The following ASXL1 variants were observed in gnomAD, a reference collection of about 807,000 sequenced individuals.
The protein encoded by ASXL1 is ASXL transcriptional regulator 1.
ASXL1 carries 65 observed loss-of-function variants against 89.1 expected under a neutral mutation model. The observed-to-expected ratio is 0.73, with a 90% CI of 0.60 to 0.90. The LOEUF (loss-of-function observed/expected upper bound fraction) is 0.90. Ranked by LOEUF, ASXL1 falls within the 40% of genes least tolerant of loss-of-function variation. ASXL1 has a pLI of 0.00. For synonymous variants in ASXL1, 739 were observed against 746.9 expected (o/e 0.99, Z 0.17); for missense variants, 1,786 against 1,942.9 (o/e 0.92, Z 1.52).
At chr20:32,395,328 T>A (rs961920457) in intron 4 of ASXL1, among the ~76,000 whole-genome samples, 1 of 152,214 alleles carries the variant, frequency 6.6e-6, no homozygotes, top group African/African-American at 2.4e-5. Context: ...AAGATGTTGC[T>A]CCACTGTCTC....
In ASXL1 at chr20:32,436,186, C is replaced by A. The variant is rs1350655725; in HGVS notation, c.3474C>A (p.Asn1158Lys). 6.2e-7 allele frequency: 1 copy of A among 1,614,100 alleles called. No individual in the cohort carries two copies. Among genetic ancestry groups the A allele is most frequent in the Non-Finnish European group, 8.5e-7 (1 of 1,180,050 alleles). Residue 1158 changes from asparagine to lysine, a missense_variant, in exon 13 of 13, where the codon AAC becomes AAA. Asn to Lys is a moderately conservative substitution (Grantham distance 94, BLOSUM62 0). This residue lies in a region of ASXL1 where 1,418 missense variants were observed against 1,427.8 expected (regional missense o/e 0.99). Transcript: ENST00000375687. ...GATCTTTACATGGTCTTGGAAAAAA[C>A]AGTGGCATGGTTGATGGAAGCAGCC... ...RMGSLHGLGK[N>K]SGMVDGSSPS...
At chr20:32,385,737 G>A (rs924694012) in intron 4 of ASXL1, among the ~76,000 whole-genome samples, 1 of 151,842 alleles carries the variant, frequency 6.6e-6, no homozygotes, top group African/African-American at 2.4e-5. Context: ...GCCCCCTTAC[G>A]ATCCAGTGCT....
chr20:32,362,504 C>T (rs1261595618), intron 1 of ASXL1, among the ~76,000 whole-genome samples: 6 of 151,800 alleles, frequency 4.0e-5, no homozygotes, highest in Admixed American at 6.6e-5. Flanking sequence ...GGCGTGGTGG[C>T]GAGTGCCTGT....
rs2145373673 is a variant in ASXL1 at position 32,435,527 on chromosome 20, G to A, written c.2815G>A (p.Ala939Thr). 2 of 1,614,044 alleles carry A rather than the reference G, an allele frequency of 1.2e-6. No individual in the cohort carries two copies. The highest frequency in any genetic ancestry group is 1.7e-6 in the Non-Finnish European group (2 of 1,180,024). The change falls in exon 13 of 13, where the codon GCA becomes ACA. Residue 939 changes from alanine to threonine, a missense_variant. Ala to Thr is a moderately conservative substitution (Grantham distance 58, BLOSUM62 0). This residue lies in a region of ASXL1 where 1,418 missense variants were observed against 1,427.8 expected (regional missense o/e 0.99). Coordinates refer to ENST00000375687, the MANE Select transcript of ASXL1 (RefSeq NM_015338.6). ...EWEKAAPTPP[A>T]LPGDLTAEEG... ...GGAGAAAGCTGCTCCCACCCCTCCT[G>A]CATTGCCTGGGGATTTGACAGCTGA...
chr20:32,411,285 T>A (rs2049042143), intron 4 of ASXL1, among the ~76,000 whole-genome samples: 3 of 134,620 alleles, frequency 2.2e-5, no homozygotes, highest in Admixed American at 1.7e-4. Flanking sequence ...TGGAATGTAG[T>A]GGCACAATCT....
At position 32,429,643 on chromosome 20, in the gene ASXL1, C is replaced by A. The variant is rs1427912635; in HGVS notation, c.565+212C>A. 1.4e-6 allele frequency: 1 copy of A among 706,140 alleles called. No individual in the cohort carries two copies. Among genetic ancestry groups the A allele is most frequent in the African/African-American group, 1.8e-5 (1 of 56,004 alleles). 43.7% of individuals were successfully genotyped at this position (706,140 alleles called of 1,614,324 possible). A position where few individuals can be genotyped will look rare whatever the true frequency, so the allele number is the denominator to read the frequency against. On this transcript the variant is annotated intron_variant, in intron 7 of 12. Coordinates refer to ENST00000375687, the MANE Select transcript of ASXL1 (RefSeq NM_015338.6). The surrounding 1 kb of genome is among the most constrained non-coding windows in gnomAD (Gnocchi z 4.9). ...TGTCTCCCAGGGCAGTCGTGAGGAT[C>A]CAACGGAGGATTTGATTATGCCAGT...
At position 32,435,924 on chromosome 20, in the gene ASXL1, C is replaced by T. The variant is rs531415735; in HGVS notation, c.3212C>T (p.Ala1071Val). The change falls in exon 13 of 13, where the codon GCG (alanine) becomes GTG (valine). Residue 1071 changes from alanine to valine, a missense_variant. Ala to Val is a moderately conservative substitution (Grantham distance 64, BLOSUM62 0). Transcript: ENST00000375687. ...APQSWVSRVC[A>V]VRQKIPDSLL... ...CAGAGCTGGGTGTCTCGAGTATGTG[C>T]GGTCCGCCAAAAGATCCCAGATTCC... 1.9e-5 allele frequency: 31 copies of T among 1,614,156 alleles called. No individual in the cohort carries two copies. Among genetic ancestry groups the T allele is most frequent in the South Asian group, 1.4e-4 (13 of 91,082 alleles).
intron 4 of ASXL1, among the ~76,000 whole-genome samples, chr20:32,388,502 G>C (rs1291871639): frequency 6.6e-6 from 1 of 152,168 alleles, no homozygotes; most frequent in Non-Finnish European, 1.5e-5. Context: ...TGGGTAAAGA[G>C]ATGTATTTTA....
rs2145360247 is a variant in ASXL1 at position 32,434,702 on chromosome 20, A to G, written c.1990A>G (p.Ser664Gly). 2 of 1,608,106 alleles carry G rather than the reference A, an allele frequency of 1.2e-6. No individual in the cohort carries two copies. Among genetic ancestry groups the G allele is most frequent in the Non-Finnish European group, 1.7e-6 (2 of 1,177,664 alleles). ...CGATGAGGGAGGTGGCAGAGGCAGC[A>G]GCAGTGGTGATGGTGGTGAGGCCTG... ...ATDEGGGRGS[S>G]SGDGGEACGH... Residue 664 changes from serine to glycine, a missense_variant, in exon 13 of 13, where the codon AGC (serine) becomes GGC (glycine). Physicochemically the swap from Ser to Gly is moderately conservative, Grantham distance 56. This residue lies in a region of ASXL1 where 1,418 missense variants were observed against 1,427.8 expected (regional missense o/e 0.99). Transcript: ENST00000375687.
chr20:32,393,810 A>G (rs950393204), intron 4 of ASXL1, among the ~76,000 whole-genome samples: 1 of 150,994 alleles, frequency 6.6e-6, no homozygotes, highest in Non-Finnish European at 1.5e-5. Context: ...CATCTTTTCT[A>G]TTTGTCTGAT....
At chr20:32,379,864 A>G (rs993695046) in intron 4 of ASXL1, among the ~76,000 whole-genome samples, 1 of 152,000 alleles carries the variant, frequency 6.6e-6, no homozygotes, top group East Asian at 1.9e-4. Flanking sequence ...AGTTATGGCT[A>G]TTTGTACTTT....
chr20:32,359,138 C>G (rs2048066031), intron 1 of ASXL1: 1 of 628,390 alleles, frequency 1.6e-6, no homozygotes, highest in Admixed American at 2.5e-5. Flanking sequence ...GTCCCCTCCC[C>G]CACTATTTGG....
In ASXL1 at chr20:32,425,708, C is replaced by A. The variant is rs56309100; in HGVS notation, c.253-2420C>A. Among the ~76,000 whole-genome samples, 319 of 151,764 alleles carry A rather than the reference C, an allele frequency of 2.1e-3. 2 individuals carry two copies. The highest frequency in any genetic ancestry group is 6.9e-3 in the African/African-American group (284 of 41,342). On this transcript the variant is annotated intron_variant, in intron 4 of 12. Transcript: ENST00000375687. ...TGCCCATTGATTTATATTTGTTCCC[C>A]CTCTCTCCCCGCCCCCAAGAAGGAG...
rs543505137 is a variant in ASXL1 at position 32,389,463 on chromosome 20, T to C, written c.252+20340T>C. On this transcript the variant is annotated intron_variant, in intron 4 of 12. Transcript: ENST00000375687. ...TGTGTGCATTCACTTCTCTGGGGTG[T>C]ATATGTTGCTGGGAATGGGACTGAG... 5.9e-5 allele frequency among the ~76,000 whole-genome samples: 9 copies of C among 152,324 alleles called. No individual in the cohort carries two copies. In the East Asian group the frequency reaches 1.2e-3, roughly 20 times the overall value.
intron 4 of ASXL1, among the ~76,000 whole-genome samples, chr20:32,377,142 ATAT>A (rs2048398737): frequency 7.0e-6 from 1 of 143,468 alleles, no homozygotes; most frequent in South Asian, 2.1e-4. Flanking sequence ...TATATATTAT[ATAT>A]TATACAGATA....
chr20:32,415,938 C>CT (rs1387594688), intron 4 of ASXL1, among the ~76,000 whole-genome samples: 3 of 149,818 alleles, frequency 2.0e-5, no homozygotes, highest in East Asian at 3.9e-4. Context: ...AAAAAGAAAA[C>CT]AAAAACAAAA....
chr20:32,435,791 T>A lies in ASXL1; in HGVS notation c.3079T>A (p.Ser1027Thr). Residue 1027 changes from serine (S) to threonine (T), a missense_variant, in exon 13 of 13, where the codon TCT becomes ACT. Ser to Thr is a moderately conservative substitution (Grantham distance 58). Transcript: ENST00000375687. ...DTREAAVTKG[S>T]SVDKDEKPNW... Reference sequence around the variant, plus strand: ...TAGAGAAGCTGCAGTGACAAAGGGATCTTCGGTGGACAAGGATGAGAAACC... The same window carrying A: ...TAGAGAAGCTGCAGTGACAAAGGGAACTTCGGTGGACAAGGATGAGAAACC... 6.2e-7 allele frequency: 1 copy of A among 1,614,034 alleles called. No homozygotes were observed. Among genetic ancestry groups the A allele is most frequent in the Non-Finnish European group, 8.5e-7 (1 of 1,179,972 alleles).
At chr20:32,385,934 C>G (rs1240871702) in intron 4 of ASXL1, among the ~76,000 whole-genome samples, 4 of 152,114 alleles carry the variant, frequency 2.6e-5, no homozygotes, top group African/African-American at 9.7e-5. Flanking sequence ...TCAGGATTTC[C>G]CATTTTGAAC....
chr20:32,380,372 AGAGT>A (rs2048466727), intron 4 of ASXL1, among the ~76,000 whole-genome samples: 1 of 152,350 alleles, frequency 6.6e-6, no homozygotes, highest in East Asian at 1.9e-4. Context: ...GTGGAGGAAG[AGAGT>A]GAGATAATTA....
Sources: allele counts gnomAD v4.1 joint callset (sites outside exome capture counted in the v4.1 genomes callset), GRCh38; gene constraint gnomAD v4.1.1; regional missense constraint gnomAD v4.1.1; non-coding constraint Gnocchi (gnomAD v3.1); transcripts MANE v1.5; gene names NCBI Gene and HGNC (gene_info 2026-07-23, HGNC 2026-07-21).